The following STAG1 variants were observed in gnomAD, a reference collection of about 807,000 sequenced individuals.
The protein encoded by STAG1 is cohesin subunit SA-1.
STAG1 carries 26 observed loss-of-function variants against 170.9 expected under a neutral mutation model. The ratio of observed to expected loss-of-function variants is 0.15; its 90% CI spans 0.11 to 0.21. The LOEUF is 0.21. Ranked by LOEUF, STAG1 falls within the 10% of genes least tolerant of loss-of-function variation. STAG1 has a pLI of 1.00. For synonymous variants in STAG1, 514 were observed against 497.7 expected, an observed-to-expected ratio of 1.03 and a Z score of -0.44; for missense variants, 964 against 1,509.5, an observed-to-expected ratio of 0.64 and a Z score of 5.99.
chr3:136,616,533 G>C lies in STAG1; in HGVS notation c.132+6613C>G, dbSNP rs1939604225. Among the ~76,000 whole-genome samples, 3 of 152,234 alleles carry C rather than the reference G, an allele frequency of 2.0e-5. No individual in the cohort carries two copies. The South Asian group carries it at 6.2e-4, about 32-fold the overall frequency. On this transcript the variant is annotated intron_variant, in intron 3 of 33. Transcript: ENST00000383202. ...TATACTTCCTAAAGTGATCACAAAAGAGTGCACATTTAAGCTCCAAAAAAA... is the reference window on the plus strand; with the variant it reads ...TATACTTCCTAAAGTGATCACAAAACAGTGCACATTTAAGCTCCAAAAAAA...
intron 9 of STAG1, among the ~76,000 whole-genome samples, chr3:136,480,954 G>A (rs1017763102): frequency 1.2e-4 from 17 of 145,198 alleles, no homozygotes; most frequent in South Asian, 2.3e-4. Flanking sequence ...TGCTGAAGTC[G>A]CTTATCAGCT....
chr3:136,583,593 A>T (rs1937654250), intron 4 of STAG1, among the ~76,000 whole-genome samples: 1 of 152,186 alleles, frequency 6.6e-6, no homozygotes, highest in Non-Finnish European at 1.5e-5. Context: ...GTTCGACACC[A>T]GCCTGGCCAA....
chr3:136,349,402 G>T, intron 28 of STAG1, 39 bp from the exon 29 acceptor site: 1 of 1,501,568 alleles, frequency 6.7e-7, no homozygotes, highest in Non-Finnish European at 9.3e-7. Context: ...TTTCAGAGAA[G>T]CAGTTCATAC....
intron 23 of STAG1, among the ~76,000 whole-genome samples, chr3:136,373,412 G>A (rs1937454285): frequency 6.6e-6 from 1 of 152,022 alleles, no homozygotes; most frequent in Admixed American, 6.5e-5. Flanking sequence ...GCTTGCTCTT[G>A]TTTCTCTAGT....
At chr3:136,651,873 G>A (rs1941230625) in intron 1 of STAG1, among the ~76,000 whole-genome samples, 2 of 152,246 alleles carry the variant, frequency 1.3e-5, no homozygotes, top group South Asian at 4.2e-4. Flanking sequence ...GGGTGGGGAG[G>A]CACACACACA....
intron 1 of STAG1, among the ~76,000 whole-genome samples, chr3:136,649,010 C>T (rs958633555): frequency 6.6e-6 from 1 of 152,188 alleles, no homozygotes; most frequent in African/African-American, 2.4e-5. Context: ...AGTTCTGGGT[C>T]CTCCCCGGTC....
At chr3:136,513,525 T>C (rs1934185454) in intron 7 of STAG1, among the ~76,000 whole-genome samples, 1 of 151,900 alleles carries the variant, frequency 6.6e-6, no homozygotes, top group South Asian at 2.1e-4. Context: ...ATCATGAAAT[T>C]TCAGTAACAA....
intron 29 of STAG1, among the ~76,000 whole-genome samples, chr3:136,344,996 C>T (rs779151722): frequency 2.0e-5 from 3 of 152,112 alleles, no homozygotes; most frequent in South Asian, 2.1e-4. Context: ...TAGCAGGTTA[C>T]GTAATTTGTC....
intron 26 of STAG1, among the ~76,000 whole-genome samples, chr3:136,362,447 GTATACA>G (rs1276898930): frequency 6.6e-6 from 1 of 150,484 alleles, no homozygotes; most frequent in East Asian, 1.9e-4. Flanking sequence ...GCTGATTGAT[GTATACA>G]TCTATTTAAT....
chr3:136,646,002 A>G (rs759694727), intron 1 of STAG1, among the ~76,000 whole-genome samples: 18 of 151,998 alleles, frequency 1.2e-4, no homozygotes, highest in Non-Finnish European at 2.4e-4. Flanking sequence ...CATGTGCTAC[A>G]CTCCACAGCC....
At chr3:136,449,559 C>CAA (rs756074218) in intron 14 of STAG1, among the ~76,000 whole-genome samples, 2 of 91,600 alleles carry the variant, frequency 2.2e-5, no homozygotes, top group African/African-American at 4.2e-5. Context: ...GACTCTGTCT[C>CAA]AAAAAAAAAA....
chr3:136,458,968 G>T (rs184818833), intron 13 of STAG1, among the ~76,000 whole-genome samples: 2 of 151,912 alleles, frequency 1.3e-5, no homozygotes, highest in Non-Finnish European at 2.9e-5. Context: ...GCCTGTAATC[G>T]CAGCACTTTG....
intron 22 of STAG1, among the ~76,000 whole-genome samples, chr3:136,398,177 G>A (rs1436614998): frequency 6.6e-6 from 1 of 151,848 alleles, no homozygotes; most frequent in Non-Finnish European, 1.5e-5. Context: ...GAGAGCAGTG[G>A]CGTGATCTGA....
chr3:136,501,065 C>T (rs1194458246), intron 8 of STAG1, among the ~76,000 whole-genome samples: 1 of 152,112 alleles, frequency 6.6e-6, no homozygotes, highest in Non-Finnish European at 1.5e-5. Context: ...TATTCTTTTG[C>T]TGTATGCTTT....
intron 21 of STAG1, among the ~76,000 whole-genome samples, chr3:136,399,609 A>G (rs2087260395): frequency 1.3e-5 from 2 of 152,164 alleles, no homozygotes; most frequent in Admixed American, 1.3e-4. Flanking sequence ...CTATTCGTCT[A>G]TCATTGATAA....
chr3:136,502,863 AGAAAT>A (rs1933554085), intron 7 of STAG1, 84 bp from the exon 8 acceptor site: 4 of 1,117,308 alleles, frequency 3.6e-6, no homozygotes. Flanking sequence ...CAATGGATGA[AGAAAT>A]GAAACTAGTG....
At chr3:136,671,256 C>A (rs1941970792) in intron 1 of STAG1, among the ~76,000 whole-genome samples, 1 of 151,910 alleles carries the variant, frequency 6.6e-6, no homozygotes, top group African/African-American at 2.4e-5. Flanking sequence ...CATACTCCAC[C>A]CTGGGCAACA....
rs747825726 is a variant in STAG1, at chr3:136,590,153, CTGAG to C, written c.297+14152_297+14155del. ...AAATAAAATAAAAATACATGTATCT[CTGAG>C]AAACAGAAGACAATTCAAACACTTC... On this transcript the variant is annotated intron_variant, in intron 4 of 33. Transcript: ENST00000383202. Among the ~76,000 whole-genome samples, 282 of 149,742 alleles carry C rather than the reference CTGAG, an allele frequency of 1.9e-3. 2 individuals carry two copies. The highest frequency in any genetic ancestry group is 0.011 in the Middle Eastern group (3 of 282).
At chr3:136,729,965 T>C (rs1559977457) in intron 1 of STAG1, among the ~76,000 whole-genome samples, 1 of 138,394 alleles carries the variant, frequency 7.2e-6, no homozygotes, top group Non-Finnish European at 1.5e-5. Flanking sequence ...CTCAGCTCAC[T>C]GCAACCTCCG....
Sources: allele counts gnomAD v4.1 joint callset (sites outside exome capture counted in the v4.1 genomes callset), GRCh38; gene constraint gnomAD v4.1.1; transcripts MANE v1.5; gene names NCBI Gene and HGNC (gene_info 2026-07-23, HGNC 2026-07-21).